The following GUCY2F variants were observed in gnomAD, a reference collection of about 807,000 sequenced individuals.
The protein encoded by GUCY2F is guanylate cyclase 2F, retinal, also known as retinal guanylyl cyclase 2.
GUCY2F carries 61 observed loss-of-function variants against 73.1 expected under a neutral mutation model. The observed-to-expected ratio is 0.83, with a 90% CI of 0.68 to 1.03. The LOEUF is 1.03. Among genes scored for constraint, GUCY2F ranks in the 50% least tolerant of loss-of-function variants. The pLI, the probability that GUCY2F is intolerant of heterozygous loss-of-function variation, is 0.00. For missense variants in GUCY2F, 912 were observed against 854.3 expected, an observed-to-expected ratio of 1.07 and a Z score of -0.84; for synonymous variants, 331 against 307.8, an observed-to-expected ratio of 1.08 and a Z score of -0.79.
chrX:109,412,417 A>G (rs982413513), intron 8 of GUCY2F, among the ~76,000 whole-genome samples: 3 of 111,961 alleles, frequency 2.7e-5, no homozygotes, highest in African/African-American at 9.7e-5. Context: ...TCAGCTATTG[A>G]CCACCAAGGT....
In GUCY2F at chrX:109,386,738, T is replaced by C. The variant is rs148964144; in HGVS notation, c.2957-1456A>G. 7.9e-3 allele frequency among the ~76,000 whole-genome samples: 883 copies of C among 111,786 alleles called. 10 individuals are homozygous for C. The highest frequency in any genetic ancestry group is 0.027 in the African/African-American group (842 of 30,764). ...CCATGAAGAAGTAATAAGAGAGACG[T>C]AAAAGAATCAACAGATTTATTGGCT... On this transcript the variant is annotated intron_variant, in intron 15 of 19. Coordinates refer to ENST00000218006, the MANE Select transcript of GUCY2F (RefSeq NM_001522.3).
intron 8 of GUCY2F, among the ~76,000 whole-genome samples, chrX:109,410,360 A>C: frequency 8.9e-6 from 1 of 112,199 alleles, no homozygotes; most frequent in Non-Finnish European, 1.9e-5. Flanking sequence ...GATACCGTAA[A>C]ATGTAGAATA....
chrX:109,468,756 G>C (rs900229148), intron 2 of GUCY2F, among the ~76,000 whole-genome samples: 1 of 111,600 alleles, frequency 9.0e-6, no homozygotes, highest in Non-Finnish European at 1.9e-5. Flanking sequence ...ATAATCACAG[G>C]CTCCTCTATT....
At chrX:109,424,260 A>G (rs1434852648) in intron 8 of GUCY2F, among the ~76,000 whole-genome samples, 1 of 112,510 alleles carries the variant, frequency 8.9e-6, no homozygotes, top group Non-Finnish European at 1.9e-5. Context: ...CACACAAAGG[A>G]AAGAACAATA....
chrX:109,469,201 C>T (rs1259826857), intron 2 of GUCY2F, among the ~76,000 whole-genome samples: 2 of 111,572 alleles, frequency 1.8e-5, no homozygotes, highest in Admixed American at 9.5e-5. Flanking sequence ...TATATTGTGG[C>T]ACCAACCATA....
chrX:109,404,767 T>C (rs1930936287), intron 9 of GUCY2F, among the ~76,000 whole-genome samples: 1 of 112,179 alleles, frequency 8.9e-6, no homozygotes, highest in Non-Finnish European at 1.9e-5. Context: ...TCCATATACA[T>C]ATAATTACCA....
At chrX:109,467,144 A>G (rs1353338514) in intron 2 of GUCY2F, among the ~76,000 whole-genome samples, 1 of 112,494 alleles carries the variant, frequency 8.9e-6, no homozygotes, top group Non-Finnish European at 1.9e-5. Context: ...ATAATCACAC[A>G]TTGTATCATG....
intron 8 of GUCY2F, among the ~76,000 whole-genome samples, chrX:109,420,407 G>C (rs983049310): frequency 3.7e-5 from 4 of 108,058 alleles, no homozygotes; most frequent in African/African-American, 1.3e-4. Context: ...AGGGACAAAG[G>C]GGGAGGAAAA....
chrX:109,391,592 AG>A (rs1423791600), intron 14 of GUCY2F, among the ~76,000 whole-genome samples: 2 of 111,738 alleles, frequency 1.8e-5, no homozygotes, highest in African/African-American at 6.5e-5. Flanking sequence ...CTACACTATT[AG>A]TACTCAGCCA....
Position 109,453,688 on chromosome X carries a change from C to T in GUCY2F, c.1204G>A (p.Gly402Arg), listed in dbSNP as rs1429152122. 6 of 1,206,528 alleles carry T rather than the reference C, an allele frequency of 5.0e-6. No individual in the cohort carries two copies. The highest frequency in any genetic ancestry group is 2.2e-5 in the Admixed American group (1 of 45,937). Residue 402 changes from glycine (G) to arginine (R), a missense_variant, in exon 4 of 20, where the codon GGA (glycine) becomes AGA (arginine). Physicochemically the swap from Gly to Arg is moderately radical, Grantham distance 125. Transcript: ENST00000218006. ...QLMRTDSNGNGISEYVILDTN... is the reference protein window; with the variant it reads ...QLMRTDSNGNRISEYVILDTN... ...TCCAGGATTACATATTCTGAAATTCCATTTCCATTTGAATCTGTCCTCATC... is the reference window on the plus strand; with the variant it reads ...TCCAGGATTACATATTCTGAAATTCTATTTCCATTTGAATCTGTCCTCATC...
chrX:109,450,461 G>A (rs190381654), intron 5 of GUCY2F, among the ~76,000 whole-genome samples: 66 of 111,724 alleles, frequency 5.9e-4, no homozygotes, highest in African/African-American at 2.1e-3. Flanking sequence ...ACATTGCCAT[G>A]GGATGTTTTG....
chrX:109,414,151 TA>T (rs770045172), intron 8 of GUCY2F, among the ~76,000 whole-genome samples: 1 of 110,705 alleles, frequency 9.0e-6, no homozygotes, highest in East Asian at 2.8e-4. Flanking sequence ...TTTGTATTTT[TA>T]GTAGAGACAG....
intron 9 of GUCY2F, among the ~76,000 whole-genome samples, chrX:109,408,197 G>C (rs747920871): frequency 8.9e-6 from 1 of 112,476 alleles, no homozygotes; most frequent in Non-Finnish European, 1.9e-5. Context: ...TGGAGTCAAA[G>C]GAGATCATTT....
At chrX:109,432,286 C>T (rs1931633975) in intron 7 of GUCY2F, among the ~76,000 whole-genome samples, 1 of 112,175 alleles carries the variant, frequency 8.9e-6, no homozygotes, top group Non-Finnish European at 1.9e-5. Flanking sequence ...CCTCTTACTA[C>T]GTTTCCTTCA....
intron 3 of GUCY2F, among the ~76,000 whole-genome samples, chrX:109,462,091 G>A (rs1458862831): frequency 4.4e-5 from 5 of 112,751 alleles, no homozygotes; most frequent in African/African-American, 1.6e-4. Flanking sequence ...AATCAATAAG[G>A]TCATCCTAGC....
chrX:109,456,967 T>C (rs1224387530), intron 3 of GUCY2F, among the ~76,000 whole-genome samples: 2 of 111,762 alleles, frequency 1.8e-5, no homozygotes, highest in Non-Finnish European at 3.8e-5. Flanking sequence ...CAGGCCTCTA[T>C]CCAGCTTCTC....
chrX:109,398,519 C>A, intron 11 of GUCY2F, 30 bp downstream of exon 11: 1 of 1,184,941 alleles, frequency 8.4e-7, no homozygotes, highest in South Asian at 1.9e-5. Flanking sequence ...ATGGTGGACC[C>A]CTGGGGCCCT....
chrX:109,445,157 C>T (rs1931971733), intron 6 of GUCY2F, among the ~76,000 whole-genome samples: 1 of 111,282 alleles, frequency 9.0e-6, no homozygotes, highest in South Asian at 3.7e-4. Flanking sequence ...AAGGCCTAGC[C>T]CCAGGGGTAG....
intron 3 of GUCY2F, among the ~76,000 whole-genome samples, chrX:109,464,279 C>T (rs1298304509): frequency 1.8e-5 from 2 of 111,803 alleles, no homozygotes; most frequent in African/African-American, 6.5e-5. Flanking sequence ...CTACTTTCTT[C>T]CCCTCCTCAC....
Sources: gnomAD v4.1 joint callset for allele counts (sites outside exome capture counted in the v4.1 genomes callset) on GRCh38, gnomAD v4.1.1 for gene constraint, MANE v1.5 for transcripts, NCBI Gene and HGNC (gene_info 2026-07-23, HGNC 2026-07-21) for gene names.